NAV2: variants seen among roughly 807,000 people sequenced by gnomAD.
NAV2 encodes helicase, APC down-regulated 1.
Under a neutral mutation model 223.2 loss-of-function variants are expected in NAV2, and 54 were observed. The observed-to-expected ratio is 0.24, with a 90% CI of 0.19 to 0.30. The LOEUF is 0.30. Among genes scored for constraint, NAV2 ranks in the 10% least tolerant of loss-of-function variants. The probability of loss-of-function intolerance (pLI) is 1.00; values close to 1 mark genes in which losing one functional copy is unlikely to be tolerated. For missense variants in NAV2, 2,806 were observed against 3,147.5 expected (o/e 0.89, Z 2.60); for synonymous variants, 1,279 against 1,239.3 (o/e 1.03, Z -0.67).
chr11:19,621,640 C>G (rs963293182), intron 1 of NAV2, among the ~76,000 whole-genome samples: 1 of 150,700 alleles, frequency 6.6e-6, no homozygotes, highest in African/African-American at 2.4e-5. Context: ...TTTGATTCTT[C>G]TCTCATTCCT....
chr11:19,662,397 T>C (rs2135738670), intron 1 of NAV2, among the ~76,000 whole-genome samples: 1 of 152,276 alleles, frequency 6.6e-6, no homozygotes, highest in East Asian at 1.9e-4. Flanking sequence ...ATCAGTGGGG[T>C]GAGGCAGGAG....
Position 20,118,529 on chromosome 11 carries a change from A to C in NAV2, c.*271A>C. ...CTTGTTGCTGTGACCTCCCTAAGAC[A>C]CTGAAGATACTTCTCGGGAAAGGAT... On this transcript the variant is annotated 3_prime_UTR_variant, in exon 38 of 38. Transcript: ENST00000349880. 3.5e-6 allele frequency: 1 copy of C among 285,950 alleles called. No homozygotes were observed. The highest frequency in any genetic ancestry group is 6.6e-5 in the East Asian group (1 of 15,090). 17.7% of individuals were successfully genotyped at this position (285,950 alleles called of 1,614,324 possible). A position where few individuals can be genotyped will look rare whatever the true frequency, so the allele number is the denominator to read the frequency against.
At chr11:19,684,684 AC>A (rs1286887412) in intron 1 of NAV2, among the ~76,000 whole-genome samples, 1 of 151,952 alleles carries the variant, frequency 6.6e-6, no homozygotes, top group South Asian at 2.1e-4. Flanking sequence ...CCCAGTGCCA[AC>A]CCCACAGACA....
chr11:19,917,037 CTA>C (rs1376260698), intron 6 of NAV2, among the ~76,000 whole-genome samples: 1 of 152,220 alleles, frequency 6.6e-6, no homozygotes, highest in Non-Finnish European at 1.5e-5. Context: ...AAATGCATGG[CTA>C]TCCCTTGATG....
At chr11:19,428,875 G>C (rs1850937237) in intron 1 of NAV2, among the ~76,000 whole-genome samples, 1 of 152,222 alleles carries the variant, frequency 6.6e-6, no homozygotes, top group South Asian at 2.1e-4. Flanking sequence ...TATCAGGAAA[G>C]CTGTTGCCTA....
intron 1 of NAV2, among the ~76,000 whole-genome samples, chr11:19,440,879 C>T (rs1320741230): frequency 3.9e-5 from 6 of 152,320 alleles, no homozygotes; most frequent in African/African-American, 9.6e-5. Context: ...TCTGCCCCAT[C>T]GCTAAGTAGG....
intron 1 of NAV2, among the ~76,000 whole-genome samples, chr11:19,625,647 A>G (rs1288929815): frequency 1.3e-5 from 2 of 152,154 alleles, no homozygotes; most frequent in Non-Finnish European, 2.9e-5. Flanking sequence ...TAGCAGCTGT[A>G]CTAGTTTTCG....
chr11:20,023,708 GT>G (rs2054755836), intron 11 of NAV2, among the ~76,000 whole-genome samples: 2 of 151,120 alleles, frequency 1.3e-5, no homozygotes, highest in Non-Finnish European at 2.9e-5. Context: ...GGGTGTGTGT[GT>G]GTGTGTGTGT....
rs190941773 is a variant in NAV2, at chr11:20,111,757, G to A, written c.6961-2835G>A. Among the ~76,000 whole-genome samples, 197 of 152,318 alleles carry A rather than the reference G, an allele frequency of 1.3e-3. 2 individuals carry two copies. The highest frequency in any genetic ancestry group is 4.2e-3 in the African/African-American group (173 of 41,572). On this transcript the variant is annotated intron_variant, in intron 36 of 37. Transcript: ENST00000349880. ...CTCTGAGACCCCAGACAGGTCTCCC[G>A]TCTCTTGGCCTTGGGTTCTCCATCT...
At chr11:19,393,793 T>C (rs568438943) in intron 1 of NAV2, among the ~76,000 whole-genome samples, 34 of 152,296 alleles carry the variant, frequency 2.2e-4, no homozygotes, top group Non-Finnish European at 4.4e-4. Context: ...TTTTCTTTCC[T>C]AGTAGCAATT....
chr11:19,526,457 G>C (rs565086251), intron 1 of NAV2, among the ~76,000 whole-genome samples: 2 of 151,928 alleles, frequency 1.3e-5, no homozygotes, highest in Admixed American at 1.3e-4. Context: ...GTCAGCTTCA[G>C]AGTCAGCCTT....
chr11:19,786,270 C>T (rs1041556899), intron 1 of NAV2, among the ~76,000 whole-genome samples: 8 of 152,110 alleles, frequency 5.3e-5, no homozygotes, highest in Non-Finnish European at 4.4e-5. Flanking sequence ...GGTTACAGTC[C>T]GCTATTTCAT....
At position 19,366,844 on chromosome 11, in the gene NAV2, C is replaced by T. The variant is rs568924754; in HGVS notation, c.75+15817C>T. ...TGGCAGCCACTTGCTGTCCCTTCCC[C>T]GTCCTCCCACTCTCAAGTATTAAAT... On this transcript the variant is annotated intron_variant, in intron 1 of 37. Coordinates refer to the NAV2 transcript ENST00000360655. Among the ~76,000 whole-genome samples the T allele has an allele frequency of 6.6e-5, 10 of 152,280 alleles. No individual in the cohort carries two copies. The South Asian group carries it at 8.3e-4, about 13-fold the overall frequency.
chr11:19,379,456 A>T (rs1483902175), intron 1 of NAV2, among the ~76,000 whole-genome samples: 1 of 152,242 alleles, frequency 6.6e-6, no homozygotes, highest in Non-Finnish European at 1.5e-5. Flanking sequence ...ACATCTGTAC[A>T]TCATACTTGC....
At chr11:19,375,254 C>T (rs1379608986) in intron 1 of NAV2, among the ~76,000 whole-genome samples, 1 of 152,190 alleles carries the variant, frequency 6.6e-6, no homozygotes, top group African/African-American at 2.4e-5. Context: ...CCCTTTCTTC[C>T]ATGAGGTTAT....
intron 11 of NAV2, among the ~76,000 whole-genome samples, chr11:20,009,618 A>G (rs1466719730): frequency 6.6e-6 from 1 of 152,166 alleles, no homozygotes; most frequent in East Asian, 1.9e-4. Context: ...TGGCTTTTCC[A>G]AAAGCAGTAA....
chr11:20,057,191 A>C (rs1374269923), intron 19 of NAV2, among the ~76,000 whole-genome samples: 1 of 152,190 alleles, frequency 6.6e-6, no homozygotes, highest in East Asian at 1.9e-4. Context: ...TGAAAGAACA[A>C]ACAAATTTGT....
intron 1 of NAV2, chr11:19,714,451 G>A (rs552073806): frequency 6.6e-6 from 3 of 457,010 alleles, no homozygotes; most frequent in South Asian, 1.5e-5. Context: ...ATCGCGGGTG[G>A]CAGTGAACCT....
chr11:19,652,511 G>T (rs919721781), intron 1 of NAV2, among the ~76,000 whole-genome samples: 7 of 152,174 alleles, frequency 4.6e-5, no homozygotes, highest in Non-Finnish European at 8.8e-5. Context: ...TAGGTTTTTG[G>T]ACAAAGAACT....
Sources: allele counts gnomAD v4.1 joint callset (sites outside exome capture counted in the v4.1 genomes callset), GRCh38; gene constraint gnomAD v4.1.1; transcripts MANE v1.5; gene names NCBI Gene and HGNC (gene_info 2026-07-23, HGNC 2026-07-21).